PRKN: variants seen among roughly 807,000 people sequenced by gnomAD.
PRKN encodes E3 ubiquitin-protein ligase parkin.
PRKN carries 56 observed loss-of-function variants against 59.5 expected under a neutral mutation model. That is an observed-to-expected ratio of 0.94 (90% confidence interval 0.76 to 1.18). PRKN has a LOEUF of 1.18. PRKN is among the 50% of genes most tolerant of loss of function. The pLI is 0.00. For missense variants in PRKN, 657 were observed against 596.4 expected (o/e 1.10, Z -1.06); for synonymous variants, 250 against 222.1 (o/e 1.13, Z -1.12).
intron 6 of PRKN, among the ~76,000 whole-genome samples, chr6:161,954,311 C>A (rs1780094411): frequency 6.6e-6 from 1 of 152,212 alleles, no homozygotes. Context: ...CCTGGCAAGA[C>A]TGAGGTTTAG....
chr6:161,898,613 C>T (rs192830245), intron 6 of PRKN, among the ~76,000 whole-genome samples: 60 of 152,260 alleles, frequency 3.9e-4, no homozygotes, highest in Admixed American at 3.2e-3. Context: ...GCTAAAGTTG[C>T]GGGCATCTTT....
intron 5 of PRKN, among the ~76,000 whole-genome samples, chr6:161,980,761 G>A (rs571572434): frequency 2.2e-4 from 33 of 152,274 alleles, no homozygotes; most frequent in African/African-American, 7.9e-4. Context: ...CCAACTTACA[G>A]AGCAGAGAGG....
chr6:161,349,987 T>G lies in PRKN; in HGVS notation c.*112A>C. Reference sequence around the variant, plus strand: ...GACTTTGAAAAAAACTTGAAGAGTGTGTGTGCGCGCGCGCGCGTGTGTGTG... The same window carrying G: ...GACTTTGAAAAAAACTTGAAGAGTGGGTGTGCGCGCGCGCGCGTGTGTGTG... On this transcript the variant is annotated 3_prime_UTR_variant, in exon 12 of 12. Coordinates refer to ENST00000366898, the MANE Select transcript of PRKN (RefSeq NM_004562.3). This position sits in a 1 kb window ranked among gnomAD's most constrained non-coding sequence, Gnocchi z 5.5. 1 of 755,754 alleles carries G rather than the reference T, an allele frequency of 1.3e-6. No individual in the cohort carries two copies. Among genetic ancestry groups the G allele is most frequent in the East Asian group, 2.7e-5 (1 of 37,186 alleles). 46.8% of individuals were successfully genotyped at this position (755,754 alleles called of 1,614,324 possible). A position where few individuals can be genotyped will look rare whatever the true frequency, so the allele number is the denominator to read the frequency against.
chr6:161,622,765 A>G (rs1394459186), intron 7 of PRKN, among the ~76,000 whole-genome samples: 1 of 152,254 alleles, frequency 6.6e-6, no homozygotes, highest in Non-Finnish European at 1.5e-5. Context: ...AAGAAATCAG[A>G]GAACTTGACA....
chr6:162,169,004 T>C (rs73592370), intron 4 of PRKN, among the ~76,000 whole-genome samples: 1,944 of 152,284 alleles, frequency 0.013, 34 homozygotes, highest in African/African-American at 0.037. Flanking sequence ...TCCTAAATTT[T>C]ATATCCTGCT....
intron 2 of PRKN, among the ~76,000 whole-genome samples, chr6:162,390,396 T>TATATATATATATATATACACACAC (rs1180636201): frequency 2.0e-4 from 17 of 84,112 alleles, no homozygotes; most frequent in African/African-American, 5.0e-4. Flanking sequence ...TATATATATA[T>TATATATATATATATATACACACAC]ACACACACAC....
Position 161,400,793 on chromosome 6 carries a change from C to T in PRKN, c.1084-13916G>A, listed in dbSNP as rs1787015562. On this transcript the variant is annotated intron_variant, in intron 9 of 11. Coordinates refer to ENST00000366898, the MANE Select transcript of PRKN (RefSeq NM_004562.3). The surrounding 1 kb of genome is among the most constrained non-coding windows in gnomAD (Gnocchi z 4.2). Reference sequence around the variant, plus strand: ...TTAAAGAAAATATGAGGCGTAACTGCCCTGCAGTGAGAGCATATGAATTTT... The same window carrying T: ...TTAAAGAAAATATGAGGCGTAACTGTCCTGCAGTGAGAGCATATGAATTTT... Among the ~76,000 whole-genome samples, 1 of 152,066 alleles carries T rather than the reference C, an allele frequency of 6.6e-6. No homozygotes were observed. Among genetic ancestry groups the T allele is most frequent in the Non-Finnish European group, 1.5e-5 (1 of 68,016 alleles).
intron 1 of PRKN, among the ~76,000 whole-genome samples, chr6:162,599,666 C>T (rs796948365): frequency 2.0e-5 from 3 of 152,236 alleles, no homozygotes; most frequent in African/African-American, 7.2e-5. Flanking sequence ...CGTCAGGGTA[C>T]ACGACAGCAC....
intron 4 of PRKN, among the ~76,000 whole-genome samples, chr6:162,152,234 T>C (rs745989170): frequency 3.8e-4 from 57 of 151,144 alleles, no homozygotes; most frequent in Non-Finnish European, 6.1e-4. Context: ...TAAGGTCTTA[T>C]TGTGATTGGC....
chr6:161,659,579 C>A (rs980449043), intron 7 of PRKN, among the ~76,000 whole-genome samples: 1 of 151,928 alleles, frequency 6.6e-6, no homozygotes, highest in South Asian at 2.1e-4. Flanking sequence ...ATGGACAGGG[C>A]GGGACTCTCA....
chr6:161,437,853 T>G lies in PRKN; in HGVS notation c.1084-50976A>C, dbSNP rs1172204792. 3.9e-5 allele frequency among the ~76,000 whole-genome samples: 6 copies of G among 152,310 alleles called. No homozygotes were observed. The South Asian group carries it at 8.3e-4, about 21-fold the overall frequency. ...AGGCATATTTTGAAAGTGACCATTA[T>G]GCAACTATTAAAATAAATAATACCT... On this transcript the variant is annotated intron_variant, in intron 9 of 11. Transcript: ENST00000366898.
rs529820687 is a variant in PRKN at position 161,390,978 on chromosome 6, C to T, written c.1084-4101G>A. ...AAATACCGTGAAAAATGTACTGAACCGCTAAGGGCATGGGGAACAGAATTC... is the reference window on the plus strand; with the variant it reads ...AAATACCGTGAAAAATGTACTGAACTGCTAAGGGCATGGGGAACAGAATTC... On this transcript the variant is annotated intron_variant, in intron 9 of 11. Coordinates refer to ENST00000366898, the MANE Select transcript of PRKN (RefSeq NM_004562.3). This position sits in a 1 kb window ranked among gnomAD's most constrained non-coding sequence, Gnocchi z 7.0. 1.8e-4 allele frequency among the ~76,000 whole-genome samples: 28 copies of T among 152,144 alleles called. 1 individual carries two copies. The highest frequency in any genetic ancestry group is 7.2e-4 in the Admixed American group (11 of 15,284).
chr6:161,643,894 CATT>C (rs1783830332), intron 7 of PRKN, among the ~76,000 whole-genome samples: 1 of 152,100 alleles, frequency 6.6e-6, no homozygotes, highest in Non-Finnish European at 1.5e-5. Flanking sequence ...TTATTTATTT[CATT>C]AGCATTGATT....
intron 2 of PRKN, among the ~76,000 whole-genome samples, chr6:162,331,689 C>T (rs1393793080): frequency 1.3e-5 from 2 of 152,152 alleles, no homozygotes; most frequent in African/African-American, 2.4e-5. Flanking sequence ...CTTCCAGAAC[C>T]TTAAATCAAA....
Position 162,326,231 on chromosome 6 carries a change from G to A in PRKN, c.172-63466C>T, listed in dbSNP as rs909068621. Among the ~76,000 whole-genome samples the A allele has an allele frequency of 5.3e-5, 8 of 152,148 alleles. No individual in the cohort carries two copies. In the South Asian group the frequency reaches 6.2e-4, roughly 12 times the overall value. On this transcript the variant is annotated intron_variant, in intron 2 of 11. Coordinates refer to ENST00000366898, the MANE Select transcript of PRKN (RefSeq NM_004562.3). ...ATGTTAGAAGACAAATTAAATACAC[G>A]AATCATAAAGTAGAAAGAATTTTTG...
At chr6:162,429,535 CTGGCCTTCA>C (rs1789409551) in intron 2 of PRKN, among the ~76,000 whole-genome samples, 1 of 152,116 alleles carries the variant, frequency 6.6e-6, no homozygotes, top group Non-Finnish European at 1.5e-5. Flanking sequence ...TCATGAAGCC[CTGGCCTTCA>C]TGGCCTTCTT....
At position 161,802,601 on chromosome 6, in the gene PRKN, G is replaced by A. The variant is rs1022816743; in HGVS notation, c.735-16693C>T. Reference sequence around the variant, plus strand: ...GTGGCTCACACCCTGCCCTCCTGCAGCTCTTCCAATGTCTCCTTTGCAACG... The same window carrying A: ...GTGGCTCACACCCTGCCCTCCTGCAACTCTTCCAATGTCTCCTTTGCAACG... On this transcript the variant is annotated intron_variant, in intron 6 of 11. Transcript: ENST00000366898. Among the ~76,000 whole-genome samples the A allele has an allele frequency of 2.0e-5, 3 of 152,102 alleles. No homozygotes were observed. In the South Asian group the frequency reaches 6.2e-4, roughly 32 times the overall value.
chr6:162,096,526 C>T (rs1172149027), intron 4 of PRKN, among the ~76,000 whole-genome samples: 1 of 152,116 alleles, frequency 6.6e-6, no homozygotes, highest in Non-Finnish European at 1.5e-5. Flanking sequence ...ATTGTAGCTC[C>T]CATAATTCCC....
intron 7 of PRKN, among the ~76,000 whole-genome samples, chr6:161,572,521 A>G (rs1413293054): frequency 6.6e-6 from 1 of 152,106 alleles, no homozygotes; most frequent in Non-Finnish European, 1.5e-5. Flanking sequence ...TTAGTCAGAC[A>G]TGGTGGCGGG....
Sources: allele counts gnomAD v4.1 joint callset (sites outside exome capture counted in the v4.1 genomes callset), GRCh38; gene constraint gnomAD v4.1.1; non-coding constraint Gnocchi (gnomAD v3.1); transcripts MANE v1.5; gene names NCBI Gene and HGNC (gene_info 2026-07-23, HGNC 2026-07-21).